The following ATXN1 variants were observed in gnomAD, a reference collection of about 807,000 sequenced individuals.
ATXN1 encodes ataxin-1.
Under a neutral mutation model 56.4 loss-of-function variants are expected in ATXN1, and 8 were observed. The observed-to-expected ratio is 0.14, with a 90% CI of 0.08 to 0.26. The LOEUF is 0.26. Ranked by LOEUF, ATXN1 falls within the 10% of genes least tolerant of loss-of-function variation. The pLI, the probability that ATXN1 is intolerant of heterozygous loss-of-function variation, is 1.00. For synonymous variants in ATXN1, 514 were observed against 494.6 expected, an observed-to-expected ratio of 1.04 and a Z score of -0.52; for missense variants, 987 against 1,106.5, an observed-to-expected ratio of 0.89 and a Z score of 1.53.
chr6:16,688,607 T>C (rs1758969588), intron 2 of ATXN1, among the ~76,000 whole-genome samples: 1 of 152,176 alleles, frequency 6.6e-6, no homozygotes, highest in Admixed American at 6.5e-5. Context: ...TGGTGGAAAA[T>C]AGCCAGCCTT....
intron 3 of ATXN1, among the ~76,000 whole-genome samples, chr6:16,630,499 C>T (rs763760194): frequency 3.3e-5 from 5 of 152,154 alleles, no homozygotes; most frequent in Non-Finnish European, 4.4e-5. Context: ...GGAGGAAAAG[C>T]TAACAGAAGT....
In ATXN1 at chr6:16,491,292, T is replaced by TATTACTA. The variant is rs1561723529; in HGVS notation, c.-298-5184_-298-5183insTAGTAAT. ...TATTATTATTATTTTTTTTTTTTTT[T>TATTACTA]TTTTTTTTTGATACAAGGTTTCGCT... On this transcript the variant is annotated intron_variant, in intron 5 of 7. Coordinates refer to ENST00000436367, the MANE Select transcript of ATXN1 (RefSeq NM_001128164.2). Among the ~76,000 whole-genome samples the TATTACTA allele has an allele frequency of 5.5e-4, 71 of 128,220 alleles. No individual in the cohort carries two copies. The Admixed American group carries it at 5.6e-3, about 10-fold the overall frequency. 84.1% of individuals were successfully genotyped at this position (128,220 alleles called of 152,430 possible).
At chr6:16,361,112 T>A (rs1581713578) in intron 6 of ATXN1, among the ~76,000 whole-genome samples, 2 of 152,308 alleles carry the variant, frequency 1.3e-5, no homozygotes, top group South Asian at 4.1e-4. Flanking sequence ...CTATGGAGAA[T>A]AAGTAGTGCA....
intron 6 of ATXN1, among the ~76,000 whole-genome samples, chr6:16,414,321 C>T (rs905501989): frequency 1.3e-5 from 2 of 152,168 alleles, no homozygotes; most frequent in African/African-American, 4.8e-5. Flanking sequence ...AGAGTGAGGT[C>T]GTAATGCTTA....
intron 6 of ATXN1, among the ~76,000 whole-genome samples, chr6:16,437,850 T>A (rs1759425317): frequency 1.3e-5 from 2 of 152,224 alleles, no homozygotes; most frequent in Admixed American, 1.3e-4. Context: ...GCTTCCTGTA[T>A]TTTGAAATGC....
chr6:16,324,365 C>T (rs1052901976), intron 7 of ATXN1, among the ~76,000 whole-genome samples: 6 of 151,682 alleles, frequency 4.0e-5, no homozygotes, highest in African/African-American at 1.5e-4. Context: ...GTGGGAGGAT[C>T]GCTGGAGCCT....
At position 16,691,574 on chromosome 6, in the gene ATXN1, C is replaced by T. The variant is rs116018244; in HGVS notation, c.-614-33673G>A. On this transcript the variant is annotated intron_variant, in intron 2 of 7. Transcript: ENST00000436367. ...AAGTAGGTACTATTAGTTAAGCCAG[C>T]ATAGTTCCTGAGTTGCAAAGCATAT... Among the ~76,000 whole-genome samples the T allele has an allele frequency of 5.3e-3, 809 of 152,292 alleles. 4 individuals are homozygous for T. The highest frequency in any genetic ancestry group is 0.019 in the African/African-American group (783 of 41,558).
intron 3 of ATXN1, among the ~76,000 whole-genome samples, chr6:16,613,567 CT>C (rs1763152732): frequency 6.6e-6 from 1 of 151,158 alleles, no homozygotes; most frequent in East Asian, 1.9e-4. Context: ...TGGCTCACAC[CT>C]GTAATCCCCA....
chr6:16,731,977 C>T (rs1460559723), intron 2 of ATXN1, among the ~76,000 whole-genome samples: 1 of 152,136 alleles, frequency 6.6e-6, no homozygotes, highest in Non-Finnish European at 1.5e-5. Context: ...CAGAAAAGTA[C>T]TTTAGAGTAC....
intron 2 of ATXN1, among the ~76,000 whole-genome samples, chr6:16,710,187 T>A (rs1561817717): frequency 6.6e-6 from 1 of 152,216 alleles, no homozygotes; most frequent in African/African-American, 2.4e-5. Flanking sequence ...TTGAAAAGGA[T>A]GATTTAAAAA....
At chr6:16,439,633 T>G (rs1759473077) in intron 6 of ATXN1, among the ~76,000 whole-genome samples, 1 of 152,178 alleles carries the variant, frequency 6.6e-6, no homozygotes, top group Admixed American at 6.5e-5. Flanking sequence ...GCTTGTTTTG[T>G]TTTTCAAAGC....
chr6:16,503,892 A>G (rs1760930729), intron 5 of ATXN1, among the ~76,000 whole-genome samples: 1 of 152,208 alleles, frequency 6.6e-6, no homozygotes, highest in Non-Finnish European at 1.5e-5. Flanking sequence ...CAGTGGCATT[A>G]AGTACGTTCA....
chr6:16,572,004 C>T (rs1409467307), intron 4 of ATXN1, among the ~76,000 whole-genome samples: 1 of 152,100 alleles, frequency 6.6e-6, no homozygotes, highest in African/African-American at 2.4e-5. Context: ...CATATTATAT[C>T]GTGCAATGCT....
At chr6:16,450,533 T>G (rs1036890873) in intron 6 of ATXN1, among the ~76,000 whole-genome samples, 1 of 152,220 alleles carries the variant, frequency 6.6e-6, no homozygotes, top group Non-Finnish European at 1.5e-5. Flanking sequence ...CAGAGAGACG[T>G]AGGTTCAAAG....
chr6:16,419,467 T>C (rs1462918105), intron 6 of ATXN1, among the ~76,000 whole-genome samples: 1 of 151,862 alleles, frequency 6.6e-6, no homozygotes, highest in African/African-American at 2.4e-5. Flanking sequence ...TAAATATTTT[T>C]ATAATATTTT....
intron 2 of ATXN1, among the ~76,000 whole-genome samples, chr6:16,682,272 C>A (rs1366309418): frequency 7.0e-6 from 1 of 143,560 alleles, no homozygotes; most frequent in Non-Finnish European, 1.5e-5. Flanking sequence ...TCTCAGCTCA[C>A]TGCAACCTCC....
chr6:16,672,622 G>A (rs1686392496), intron 2 of ATXN1, among the ~76,000 whole-genome samples: 4 of 152,198 alleles, frequency 2.6e-5, no homozygotes, highest in Admixed American at 2.0e-4. Context: ...AAGTGTCAGA[G>A]GAAGATTCAA....
chr6:16,676,822 T>C (rs1450702476), intron 2 of ATXN1, among the ~76,000 whole-genome samples: 3 of 152,178 alleles, frequency 2.0e-5, no homozygotes, highest in African/African-American at 7.2e-5. Flanking sequence ...ACCTCTACTC[T>C]GGAATGTTCA....
intron 6 of ATXN1, among the ~76,000 whole-genome samples, chr6:16,415,525 C>T (rs566699833): frequency 1.3e-5 from 2 of 152,336 alleles, no homozygotes; most frequent in South Asian, 4.1e-4. Flanking sequence ...CCACCGCGCC[C>T]AGCCCAAGTG....
Sources: allele counts gnomAD v4.1 joint callset (sites outside exome capture counted in the v4.1 genomes callset), GRCh38; gene constraint gnomAD v4.1.1; transcripts MANE v1.5; gene names NCBI Gene and HGNC (gene_info 2026-07-23, HGNC 2026-07-21).